The following TCF3 variants were observed in gnomAD, a reference collection of about 807,000 sequenced individuals.
TCF3 encodes transcription factor E2-alpha.
TCF3 carries 54 observed loss-of-function variants against 72.3 expected under a neutral mutation model. The ratio of observed to expected loss-of-function variants is 0.75; its 90% CI spans 0.60 to 0.94. TCF3 has a LOEUF of 0.94. Ranked by LOEUF, TCF3 falls within the 40% of genes least tolerant of loss-of-function variation. The pLI, the probability that TCF3 is intolerant of heterozygous loss-of-function variation, is 0.00. For missense variants in TCF3, 1,078 were observed against 934.4 expected, an observed-to-expected ratio of 1.15 and a Z score of -2.00; for synonymous variants, 525 against 412.6, an observed-to-expected ratio of 1.27 and a Z score of -3.30.
chr19:1,651,798 CG>C (rs2145842773), intron 1 of TCF3, among the ~76,000 whole-genome samples: 1 of 151,604 alleles, frequency 6.6e-6, no homozygotes, highest in East Asian at 2.0e-4. Context: ...GTTACCCGCG[CG>C]CCCCCCCCCG....
At chr19:1,630,032 C>T (rs1472645322) in intron 5 of TCF3, among the ~76,000 whole-genome samples, 1 of 152,196 alleles carries the variant, frequency 6.6e-6, no homozygotes, top group Non-Finnish European at 1.5e-5. Context: ...CTCCCCGGGA[C>T]CCCCGCCTGC....
At position 1,630,404 on chromosome 19, in the gene TCF3, G is replaced by T. The variant is rs10426149; in HGVS notation, c.298+1634C>A. Among the ~76,000 whole-genome samples, 1,062 of 152,298 alleles carry T rather than the reference G, an allele frequency of 7.0e-3. 10 individuals are homozygous for T. Among genetic ancestry groups the T allele is most frequent in the African/African-American group, 0.024 (1,004 of 41,552 alleles). ...ACTGACTCTACTGTACTCCAAGTTC[G>T]AGGCCGGGCAAAGCGAGACAGGACC... On this transcript the variant is annotated intron_variant, in intron 5 of 18. Coordinates refer to ENST00000262965, the MANE Select transcript of TCF3 (RefSeq NM_003200.5).
intron 3 of TCF3, among the ~76,000 whole-genome samples, chr19:1,638,284 G>A (rs140952260): frequency 3.3e-5 from 5 of 152,354 alleles, no homozygotes; most frequent in Admixed American, 6.5e-5. Context: ...CTCACAGTAA[G>A]TAGCAAAGTC....
At position 1,611,404 on chromosome 19, in the gene TCF3, C is replaced by A; in HGVS notation, c.*303G>T. ...AAAAAAATGCTCCTGTCAGCCCAGG[C>A]AACAGGGCCAAGATGCAGTTTCAGG... is the stretch of plus-strand genomic sequence containing the variant. On this transcript the variant is annotated 3_prime_UTR_variant, in exon 19 of 19. Coordinates refer to ENST00000262965, the MANE Select transcript of TCF3 (RefSeq NM_003200.5). 1 of 404,032 alleles carries A rather than the reference C, an allele frequency of 2.5e-6. No homozygotes were observed. The highest frequency in any genetic ancestry group is 4.4e-6 in the Non-Finnish European group (1 of 229,828). The allele number at this position is 404,032 out of a possible 1,614,324, so 25.0% of individuals were successfully genotyped here.
At chr19:1,629,969 G>A (rs1170929460) in intron 5 of TCF3, among the ~76,000 whole-genome samples, 1 of 152,122 alleles carries the variant, frequency 6.6e-6, no homozygotes, top group African/African-American at 2.4e-5. Context: ...GGCTCCTCGG[G>A]TGAGAAAACT....
At chr19:1,637,262 C>A (rs10426748) in intron 3 of TCF3, among the ~76,000 whole-genome samples, 1 of 138,096 alleles carries the variant, frequency 7.2e-6, no homozygotes, top group Non-Finnish European at 1.5e-5. Flanking sequence ...GAACCGAGGA[C>A]GCCTGGCAAC....
rs1341976641 is a variant in TCF3 at position 1,614,699 on chromosome 19, G to A, written c.1822+586C>T. 1.3e-5 allele frequency among the ~76,000 whole-genome samples: 2 copies of A among 152,144 alleles called. No homozygotes were observed. Reference sequence around the variant, plus strand: ...AGCCGCCAGCGCCAGCGGGGGGAAGGAGTCAGCTCACATCTGCGGGTGGGG... The same window carrying A: ...AGCCGCCAGCGCCAGCGGGGGGAAGAAGTCAGCTCACATCTGCGGGTGGGG... On this transcript the variant is annotated intron_variant, in intron 18 of 18. Transcript: ENST00000262965. This position sits in a 1 kb window ranked among gnomAD's most constrained non-coding sequence, Gnocchi z 5.6.
At chr19:1,651,701 C>T (rs905495091) in intron 1 of TCF3, among the ~76,000 whole-genome samples, 2 of 152,016 alleles carry the variant, frequency 1.3e-5, no homozygotes, top group Non-Finnish European at 2.9e-5. Flanking sequence ...CCCCCTCCCC[C>T]CGCAGCCGGT....
chr19:1,649,872 G>A (rs1271971094), intron 2 of TCF3, among the ~76,000 whole-genome samples: 2 of 152,240 alleles, frequency 1.3e-5, no homozygotes, highest in African/African-American at 2.4e-5. Flanking sequence ...GATCAAGGCC[G>A]CATTTTGCTT....
At chr19:1,635,395 C>T (rs900335346) in intron 3 of TCF3, among the ~76,000 whole-genome samples, 2 of 152,002 alleles carry the variant, frequency 1.3e-5, no homozygotes, top group African/African-American at 2.4e-5. Context: ...GGCTCTTCTC[C>T]CTCCCTCTAC....
intron 8 of TCF3, among the ~76,000 whole-genome samples, chr19:1,623,620 G>C (rs1005470095): frequency 2.6e-5 from 4 of 152,092 alleles, no homozygotes; most frequent in African/African-American, 9.7e-5. Flanking sequence ...CTGACCTCAG[G>C]TGATCCACCC....
chr19:1,611,313 A>ATT lies in TCF3; in HGVS notation c.*392_*393dup, dbSNP rs1325571277. The ATT allele has an allele frequency of 7.9e-6, 3 of 379,720 alleles. No individual in the cohort carries two copies. Among genetic ancestry groups the ATT allele is most frequent in the Non-Finnish European group, 1.4e-5 (3 of 214,726 alleles). The allele number at this position is 379,720 out of a possible 1,614,324, so 23.5% of individuals were successfully genotyped here. On this transcript the variant is annotated 3_prime_UTR_variant, in exon 19 of 19. Coordinates refer to ENST00000262965, the MANE Select transcript of TCF3 (RefSeq NM_003200.5). Reference sequence around the variant, plus strand: ...TTTCTCCGCTTTTTATAGTTAAGGCATTTTTTTCTTCTCTGACAAAGTGTA... The same window carrying ATT: ...TTTCTCCGCTTTTTATAGTTAAGGCATTTTTTTTTCTTCTCTGACAAAGTGTA...
chr19:1,630,315 C>T (rs376962441), intron 5 of TCF3, among the ~76,000 whole-genome samples: 1 of 152,190 alleles, frequency 6.6e-6, no homozygotes, highest in Non-Finnish European at 1.5e-5. Context: ...GCCCGTGGCA[C>T]GTGGTGGGCC....
intron 8 of TCF3, among the ~76,000 whole-genome samples, chr19:1,623,712 G>T (rs1420404395): frequency 1.3e-5 from 2 of 152,164 alleles, no homozygotes; most frequent in African/African-American, 4.8e-5. Context: ...AGGGGCCTCA[G>T]CCACCAGGAC....
At chr19:1,642,385 G>A (rs905071365) in intron 3 of TCF3, among the ~76,000 whole-genome samples, 8 of 152,188 alleles carry the variant, frequency 5.3e-5, no homozygotes, top group Non-Finnish European at 2.9e-5. Context: ...CACCAATGTC[G>A]GCTTCCTAGG....
At chr19:1,632,458 A>G (rs996572971) in intron 3 of TCF3, 53 bp from the exon 4 acceptor site, 1 of 1,530,320 alleles carries the variant, frequency 6.5e-7, no homozygotes. Flanking sequence ...GCCCAGCTCT[A>G]AAAGCTTCGG....
In TCF3 at chr19:1,612,095, A is replaced by G. The variant is rs1599408213; in HGVS notation, c.1823-246T>C. 6.9e-6 allele frequency: 8 copies of G among 1,161,618 alleles called. No individual in the cohort carries two copies. The East Asian group carries it at 1.5e-4, about 22-fold the overall frequency. The allele number at this position is 1,161,618 out of a possible 1,614,324, so 72.0% of individuals were successfully genotyped here. On this transcript the variant is annotated intron_variant, in intron 18 of 18. Coordinates refer to ENST00000262965, the MANE Select transcript of TCF3 (RefSeq NM_003200.5). ...ATCACTGGGTCTGAGTCCAGCCACA[A>G]AGACAGACATGGACAGAGTCCGGGG... is the stretch of plus-strand genomic sequence containing the variant.
intron 1 of TCF3, chr19:1,650,834 ACT>A (rs1291883373): frequency 8.7e-6 from 2 of 229,908 alleles, no homozygotes; most frequent in African/African-American, 4.5e-5. Flanking sequence ...AAACCACGAA[ACT>A]CTTTTACAAG....
chr19:1,633,718 A>G (rs1260854349), intron 3 of TCF3, among the ~76,000 whole-genome samples: 1 of 152,134 alleles, frequency 6.6e-6, no homozygotes, highest in African/African-American at 2.4e-5. Context: ...GTTGGGGGCC[A>G]GGCAGGGGGC....
Sources: allele counts gnomAD v4.1 joint callset (sites outside exome capture counted in the v4.1 genomes callset), GRCh38; gene constraint gnomAD v4.1.1; non-coding constraint Gnocchi (gnomAD v3.1); transcripts MANE v1.5; gene names NCBI Gene and HGNC (gene_info 2026-07-23, HGNC 2026-07-21).